C8orf34: variants seen among roughly 807,000 people sequenced by gnomAD.
C8orf34 encodes chromosome 8 open reading frame 34.
Under a neutral mutation model 68.3 loss-of-function variants are expected in C8orf34, and 65 were observed. The observed-to-expected ratio is 0.95, with a 90% CI of 0.78 to 1.17. The LOEUF is 1.17. Ranked by LOEUF, C8orf34 falls within the 50% of genes most tolerant of loss-of-function variation. The pLI, the probability that C8orf34 is intolerant of heterozygous loss-of-function variation, is 0.00. For missense variants in C8orf34, 664 were observed against 655.4 expected (o/e 1.01, Z -0.14); for synonymous variants, 244 against 241.2 (o/e 1.01, Z -0.11).
At chr8:68,438,767 GTTCC>G (rs1810771827) in intron 1 of C8orf34, 1 of 152,030 alleles carries the variant, frequency 6.6e-6, no homozygotes, top group Admixed American at 6.6e-5. Context: ...GCTCTTTGCT[GTTCC>G]TGACTGGAAA....
intron 11 of C8orf34, among the ~76,000 whole-genome samples, chr8:68,782,232 T>C (rs894273801): frequency 5.3e-5 from 8 of 152,194 alleles, no homozygotes; most frequent in African/African-American, 1.9e-4. Context: ...CAGTGTGATT[T>C]CCCTCTCTGA....
intron 1 of C8orf34, among the ~76,000 whole-genome samples, chr8:68,437,703 G>A (rs1336463744): frequency 6.6e-6 from 1 of 152,008 alleles, no homozygotes. Flanking sequence ...ACAACTGATT[G>A]TTTGCTTACT....
chr8:68,663,105 T>C (rs1047391140), intron 8 of C8orf34, among the ~76,000 whole-genome samples: 11 of 152,222 alleles, frequency 7.2e-5, no homozygotes, highest in African/African-American at 2.7e-4. Flanking sequence ...GACTAAATCA[T>C]AGAAACTCTT....
intron 1 of C8orf34, among the ~76,000 whole-genome samples, chr8:68,335,071 G>A (rs868282223): frequency 4.4e-4 from 67 of 152,104 alleles, no homozygotes; most frequent in African/African-American, 1.3e-3. Context: ...ATCTCCTTTC[G>A]TTGTTCCCCC....
intron 8 of C8orf34, among the ~76,000 whole-genome samples, chr8:68,678,488 AC>A (rs1311796275): frequency 6.6e-6 from 1 of 152,214 alleles, no homozygotes; most frequent in Non-Finnish European, 1.5e-5. Flanking sequence ...CAGAAACCAT[AC>A]GATCATTTCA....
At chr8:68,690,953 C>T (rs1820669231) in intron 8 of C8orf34, among the ~76,000 whole-genome samples, 1 of 152,070 alleles carries the variant, frequency 6.6e-6, no homozygotes, top group Non-Finnish European at 1.5e-5. Context: ...TGCTACTTTC[C>T]TTCTGGTCTA....
At chr8:68,581,792 G>A (rs1817072810) in intron 7 of C8orf34, among the ~76,000 whole-genome samples, 1 of 152,124 alleles carries the variant, frequency 6.6e-6, no homozygotes, top group Non-Finnish European at 1.5e-5. Flanking sequence ...TGTTGCAGGG[G>A]CAAGAATCCT....
chr8:68,368,434 C>T (rs1807411392), intron 1 of C8orf34, among the ~76,000 whole-genome samples: 1 of 151,884 alleles, frequency 6.6e-6, no homozygotes, highest in Non-Finnish European at 1.5e-5. Flanking sequence ...TGAAAAATGA[C>T]AGTTTTTGTT....
intron 7 of C8orf34, among the ~76,000 whole-genome samples, chr8:68,566,863 C>T (rs1304713736): frequency 6.6e-6 from 1 of 152,166 alleles, no homozygotes; most frequent in Non-Finnish European, 1.5e-5. Flanking sequence ...TTGTTGAAGG[C>T]TTTTTCTGCA....
intron 7 of C8orf34, chr8:68,534,318 C>T: frequency 2.0e-6 from 2 of 985,356 alleles, no homozygotes; most frequent in Non-Finnish European, 2.4e-6. Context: ...ATTAACATGG[C>T]AGACGTGCCC....
chr8:68,574,714 T>A (rs1465589294), intron 7 of C8orf34, among the ~76,000 whole-genome samples: 1 of 152,038 alleles, frequency 6.6e-6, no homozygotes, highest in Non-Finnish European at 1.5e-5. Context: ...GCATAAGAGG[T>A]TACTATTCTA....
At chr8:68,727,393 C>T (rs1821862711) in intron 10 of C8orf34, among the ~76,000 whole-genome samples, 1 of 152,194 alleles carries the variant, frequency 6.6e-6, no homozygotes, top group African/African-American at 2.4e-5. Context: ...CTTTCATGGG[C>T]TGGTATTGAG....
chr8:68,672,378 A>G (rs945403191), intron 8 of C8orf34, among the ~76,000 whole-genome samples: 1 of 152,220 alleles, frequency 6.6e-6, no homozygotes, highest in African/African-American at 2.4e-5. Flanking sequence ...GGAAGGAAAG[A>G]GTCTTCAATT....
At chr8:68,591,892 T>C (rs761172358) in intron 7 of C8orf34, among the ~76,000 whole-genome samples, 15 of 152,230 alleles carry the variant, frequency 9.9e-5, no homozygotes, top group Admixed American at 2.0e-4. Flanking sequence ...TATAATTTCA[T>C]GAACTCCGCT....
chr8:68,772,702 CCT>C lies in C8orf34; in HGVS notation c.1405-3692_1405-3691del, dbSNP rs1347550568. 1.0e-4 allele frequency among the ~76,000 whole-genome samples: 15 copies of C among 147,928 alleles called. 1 individual carries two copies. Among genetic ancestry groups the C allele is most frequent in the African/African-American group, 2.8e-4 (11 of 39,588 alleles). On this transcript the variant is annotated intron_variant, in intron 10 of 13. Transcript: ENST00000518698. Reference sequence around the variant, plus strand: ...CTTTCTTTCCCTCCCTCCCTCCCTCCCTCTCTTTCTTTCTTTCTTTCTTTTTC... The same window carrying C: ...CTTTCTTTCCCTCCCTCCCTCCCTCCCTCTTTCTTTCTTTCTTTCTTTTTC...
intron 10 of C8orf34, among the ~76,000 whole-genome samples, chr8:68,740,658 C>T (rs1303706575): frequency 2.6e-5 from 4 of 152,104 alleles, no homozygotes; most frequent in Non-Finnish European, 4.4e-5. Context: ...ATTAGTTCAA[C>T]TACTGTGGAA....
intron 8 of C8orf34, among the ~76,000 whole-genome samples, chr8:68,670,732 A>G (rs1819984028): frequency 6.6e-6 from 1 of 152,014 alleles, no homozygotes; most frequent in Non-Finnish European, 1.5e-5. Flanking sequence ...TGAGTCTCAT[A>G]TTTGCAGGAC....
At chr8:68,641,261 A>AT (rs1819001479) in intron 8 of C8orf34, among the ~76,000 whole-genome samples, 1 of 152,140 alleles carries the variant, frequency 6.6e-6, no homozygotes, top group South Asian at 2.1e-4. Flanking sequence ...TTGAGAGGAG[A>AT]TTAGCTGCTT....
intron 3 of C8orf34, among the ~76,000 whole-genome samples, chr8:68,465,008 C>A (rs1455894147): frequency 2.0e-5 from 3 of 150,924 alleles, no homozygotes; most frequent in Non-Finnish European, 4.5e-5. Flanking sequence ...TCAGAGTGAA[C>A]AGGCAACCTA....
Sources: allele counts gnomAD v4.1 joint callset (sites outside exome capture counted in the v4.1 genomes callset), GRCh38; gene constraint gnomAD v4.1.1; transcripts MANE v1.5; gene names NCBI Gene and HGNC (gene_info 2026-07-23, HGNC 2026-07-21).